KCNJ12: variants seen among roughly 807,000 people sequenced by gnomAD.
KCNJ12 encodes the protein ATP-sensitive inward rectifier potassium channel 12.
KCNJ12 carries 2 observed loss-of-function variants against 22.3 expected under a neutral mutation model. That is an observed-to-expected ratio of 0.09 (90% CI 0.04 to 0.28). The LOEUF is 0.28. Ranked by LOEUF, KCNJ12 falls within the 10% of genes least tolerant of loss-of-function variation. KCNJ12 has a pLI of 1.00. For missense variants in KCNJ12, 155 were observed against 633.3 expected (o/e 0.24, Z 8.11); for synonymous variants, 117 against 261.4 (o/e 0.45, Z 5.33).
At chr17:21,389,155 G>A (rs547050766) in intron 1 of KCNJ12, among the ~76,000 whole-genome samples, 4 of 152,222 alleles carry the variant, frequency 2.6e-5, no homozygotes, top group Non-Finnish European at 5.9e-5. Flanking sequence ...CCAGAGGACG[G>A]GGTCTGAGTC....
chr17:21,412,512 A>T (rs1478751404), intron 2 of KCNJ12, among the ~76,000 whole-genome samples: 2 of 152,308 alleles, frequency 1.3e-5, no homozygotes, highest in African/African-American at 4.8e-5. Flanking sequence ...GGCCACACAA[A>T]TCCAGCCCCT....
At chr17:21,388,502 C>A (rs1225016566) in intron 1 of KCNJ12, among the ~76,000 whole-genome samples, 1 of 152,178 alleles carries the variant, frequency 6.6e-6, no homozygotes, top group Non-Finnish European at 1.5e-5. Flanking sequence ...GTGTCCTTGG[C>A]CCCCTCCTGT....
rs1904672525 is a variant in KCNJ12, at chr17:21,376,857, A to C, written c.-235A>C. 6.6e-6 allele frequency: 1 copy of C among 151,160 alleles called. No homozygotes were observed. The highest frequency in any genetic ancestry group is 2.1e-4 in the South Asian group (1 of 4,828). 9.4% of individuals were successfully genotyped at this position (151,160 alleles called of 1,614,324 possible). A position where few individuals can be genotyped will look rare whatever the true frequency, so the allele number is the denominator to read the frequency against. ...AGCGCGGCAGCTGCCGGGGCCAGGA[A>C]CGGCCGCCCGGAGCTTGGAGGACGC... On this transcript the variant is annotated 5_prime_UTR_variant, in exon 1 of 3. Coordinates refer to ENST00000583088, the MANE Select transcript of KCNJ12 (RefSeq NM_021012.5). This position sits in a 1 kb window ranked among gnomAD's most constrained non-coding sequence, Gnocchi z 5.3.
chr17:21,404,881 TCA>T (rs1397036171), intron 1 of KCNJ12, among the ~76,000 whole-genome samples: 3 of 152,280 alleles, frequency 2.0e-5, no homozygotes, highest in African/African-American at 7.2e-5. Context: ...TGACCTGGCC[TCA>T]CCTCAGGGCT....
chr17:21,384,585 G>T (rs926897626), intron 1 of KCNJ12, among the ~76,000 whole-genome samples: 2 of 152,052 alleles, frequency 1.3e-5, no homozygotes, highest in African/African-American at 4.8e-5. Context: ...GAGTAGACAC[G>T]CTGGAGCTCG....
chr17:21,378,064 A>C (rs1467071897), intron 1 of KCNJ12, among the ~76,000 whole-genome samples: 2 of 152,156 alleles, frequency 1.3e-5, no homozygotes, highest in Non-Finnish European at 2.9e-5. Context: ...CCCACACGCC[A>C]CTGAAATCGG....
rs550570465 is a variant in KCNJ12, at chr17:21,388,302, G to A, written c.-179+11389G>A. 9.2e-5 allele frequency among the ~76,000 whole-genome samples: 14 copies of A among 152,270 alleles called. No individual in the cohort carries two copies. In the South Asian group the frequency reaches 1.4e-3, roughly 16 times the overall value. On this transcript the variant is annotated intron_variant, in intron 1 of 2. Transcript: ENST00000583088. ...CTCGCTTCAGACGCCTGAGCGGGGCGTTGGGAGGACCTGCCATACCCCATC... is the reference window on the plus strand; with the variant it reads ...CTCGCTTCAGACGCCTGAGCGGGGCATTGGGAGGACCTGCCATACCCCATC...
Position 21,419,295 on chromosome 17 carries a change from C to CGTGT in KCNJ12, c.*2682_*2685dup, listed in dbSNP as rs3078445. On this transcript the variant is annotated 3_prime_UTR_variant, in exon 3 of 3. Coordinates refer to ENST00000583088, the MANE Select transcript of KCNJ12 (RefSeq NM_021012.5). ...TAGTAATACAGATACGTGATCTATA[C>CGTGT]GTGTGTGTGTGTGTGTGTGTGTGTG... 1,316 of 158,282 alleles carry CGTGT rather than the reference C, an allele frequency of 8.3e-3. 12 individuals carry two copies. Among genetic ancestry groups the CGTGT allele is most frequent in the South Asian group, 0.042 (184 of 4,394 alleles). 9.8% of individuals were successfully genotyped at this position (158,282 alleles called of 1,614,324 possible). A position where few individuals can be genotyped will look rare whatever the true frequency, so the allele number is the denominator to read the frequency against.
At chr17:21,387,298 C>G (rs1407438878) in intron 1 of KCNJ12, among the ~76,000 whole-genome samples, 1 of 142,354 alleles carries the variant, frequency 7.0e-6, no homozygotes, top group Non-Finnish European at 1.5e-5. Context: ...AAAAATTAGC[C>G]GGGCGTGGTG....
At chr17:21,409,618 A>G (rs1906204445) in intron 2 of KCNJ12, among the ~76,000 whole-genome samples, 2 of 152,306 alleles carry the variant, frequency 1.3e-5, no homozygotes, top group South Asian at 2.1e-4. Context: ...CCCATCAGTC[A>G]CTGACTGAAA....
intron 1 of KCNJ12, among the ~76,000 whole-genome samples, chr17:21,385,601 G>A (rs1905045841): frequency 6.6e-6 from 1 of 152,194 alleles, no homozygotes; most frequent in South Asian, 2.1e-4. Context: ...CCGTGGAGTG[G>A]CCCCGGCCCT....
In KCNJ12 at chr17:21,415,606, G is replaced by T. The variant is rs79626424; in HGVS notation, c.264G>T (p.Ser88=). Residue 88 remains serine, a synonymous_variant, in exon 3 of 3, where the codon TCG becomes TCT. Coordinates refer to ENST00000583088, the MANE Select transcript of KCNJ12 (RefSeq NM_021012.5). The part of the protein sequence containing the change: ...IRWRYMLLIF[S]LAFLASWLLF... ...GGCGGTACATGCTGCTCATCTTCTC[G>T]CTGGCCTTCCTTGCCTCCTGGCTGC... 5 of 1,608,180 alleles carry T rather than the reference G, an allele frequency of 3.1e-6. No homozygotes were observed. The South Asian group carries it at 4.4e-5, about 14-fold the overall frequency.
intron 1 of KCNJ12, among the ~76,000 whole-genome samples, chr17:21,386,106 G>T (rs1182609476): frequency 6.6e-6 from 1 of 152,222 alleles, no homozygotes; most frequent in Non-Finnish European, 1.5e-5. Context: ...ATAACAGACT[G>T]GGTGGCCTAA....
At chr17:21,404,238 A>G (rs1180639814) in intron 1 of KCNJ12, among the ~76,000 whole-genome samples, 1 of 152,292 alleles carries the variant, frequency 6.6e-6, no homozygotes, top group Non-Finnish European at 1.5e-5. Flanking sequence ...TGAAGCTGGA[A>G]TCTGCACCAA....
At chr17:21,387,022 G>T (rs187161411) in intron 1 of KCNJ12, among the ~76,000 whole-genome samples, 162 of 152,314 alleles carry the variant, frequency 1.1e-3, no homozygotes, top group Non-Finnish European at 1.7e-3. Context: ...TTTAAGAAAC[G>T]TGCTCTCCCT....
chr17:21,392,619 G>A (rs1237127902), intron 1 of KCNJ12, among the ~76,000 whole-genome samples: 4 of 152,258 alleles, frequency 2.6e-5, no homozygotes, highest in African/African-American at 9.6e-5. Flanking sequence ...TGGGAGTGTT[G>A]GTTCTGTAGT....
intron 1 of KCNJ12, among the ~76,000 whole-genome samples, chr17:21,396,347 G>A (rs1195439107): frequency 1.3e-5 from 2 of 152,166 alleles, no homozygotes; most frequent in South Asian, 2.1e-4. Context: ...CCAGCTCGCC[G>A]CAAAGCCCTG....
At chr17:21,377,581 A>G (rs1321517030) in intron 1 of KCNJ12, among the ~76,000 whole-genome samples, 5 of 151,494 alleles carry the variant, frequency 3.3e-5, no homozygotes, top group Non-Finnish European at 7.4e-5. Flanking sequence ...GCCAGGGTCC[A>G]CCCTGCGCGC....
intron 2 of KCNJ12, among the ~76,000 whole-genome samples, chr17:21,412,274 A>C (rs1906400245): frequency 1.3e-5 from 2 of 152,222 alleles, no homozygotes; most frequent in Non-Finnish European, 2.9e-5. Context: ...GTATGACACC[A>C]TCTGGGCAGG....
Sources: gnomAD v4.1 joint callset for allele counts (sites outside exome capture counted in the v4.1 genomes callset) on GRCh38, gnomAD v4.1.1 for gene constraint, Gnocchi (gnomAD v3.1) non-coding constraint, MANE v1.5 for transcripts, NCBI Gene and HGNC (gene_info 2026-07-23, HGNC 2026-07-21) for gene names.